Variants in GRM7 observed in about 807,000 individuals in gnomAD.
GRM7 encodes glutamate metabotropic receptor 7.
In GRM7, 35 loss-of-function variants were observed where a neutral mutation model predicts 84.5. The ratio of observed to expected loss-of-function variants is 0.41; its 90% CI spans 0.32 to 0.55. GRM7 has a LOEUF of 0.55. GRM7 is among the 20% of genes least tolerant of loss of function. GRM7 has a pLI of 0.19. For synonymous variants in GRM7, 487 were observed against 455.1 expected, an observed-to-expected ratio of 1.07 and a Z score of -0.89; for missense variants, 1,003 against 1,194.6, an observed-to-expected ratio of 0.84 and a Z score of 2.36.
chr3:7,553,303 A>C (rs1693581662), intron 7 of GRM7, among the ~76,000 whole-genome samples: 1 of 152,286 alleles, frequency 6.6e-6, no homozygotes, highest in South Asian at 2.1e-4. Context: ...GATTTGTCAA[A>C]GCTATTCAAC....
intron 2 of GRM7, among the ~76,000 whole-genome samples, chr3:7,262,352 T>G (rs959146963): frequency 2.6e-5 from 4 of 152,166 alleles, no homozygotes; most frequent in African/African-American, 9.7e-5. Flanking sequence ...AAAGCCAGTC[T>G]TCAAGCTTTG....
chr3:7,091,585 T>G (rs1698665013), intron 1 of GRM7, among the ~76,000 whole-genome samples: 1 of 151,722 alleles, frequency 6.6e-6, no homozygotes, highest in African/African-American at 2.4e-5. Context: ...AGTCCCATTA[T>G]CTCATTAAAT....
intron 1 of GRM7, among the ~76,000 whole-genome samples, chr3:7,095,703 A>G (rs1028042604): frequency 5.9e-5 from 9 of 152,164 alleles, no homozygotes; most frequent in African/African-American, 1.9e-4. Context: ...AAAGCATCAT[A>G]GAGAGTGGGA....
chr3:7,652,331 G>T (rs1242217933), intron 8 of GRM7, among the ~76,000 whole-genome samples: 1 of 152,186 alleles, frequency 6.6e-6, no homozygotes, highest in Non-Finnish European at 1.5e-5. Context: ...GACTGGTTAG[G>T]GGAGAAGGGA....
At chr3:6,880,166 A>G (rs1417181974) in intron 1 of GRM7, among the ~76,000 whole-genome samples, 1 of 152,180 alleles carries the variant, frequency 6.6e-6, no homozygotes, top group Admixed American at 6.6e-5. Flanking sequence ...TGGGTAATTA[A>G]TCAGATGGCT....
chr3:7,613,029 C>T (rs1696915092), intron 8 of GRM7, among the ~76,000 whole-genome samples: 1 of 150,626 alleles, frequency 6.6e-6, no homozygotes, highest in Non-Finnish European at 1.5e-5. Flanking sequence ...TATAGTGTTT[C>T]CAAGTCTTTT....
Position 7,188,148 on chromosome 3 carries a change from G to A in GRM7, c.736+41480G>A, listed in dbSNP as rs542177140. Among the ~76,000 whole-genome samples, 18 of 152,212 alleles carry A rather than the reference G, an allele frequency of 1.2e-4. No individual in the cohort carries two copies. The highest frequency in any genetic ancestry group is 9.2e-4 in the Admixed American group (14 of 15,284). Reference sequence around the variant, plus strand: ...CAGGAGGACAGAGAAGGGCTATGACGTGAGAAAGGGACCTGTCGGAAGTGA... The same window carrying A: ...CAGGAGGACAGAGAAGGGCTATGACATGAGAAAGGGACCTGTCGGAAGTGA... On this transcript the variant is annotated intron_variant, in intron 2 of 9. Transcript: ENST00000357716. The surrounding 1 kb of genome is among the most constrained non-coding windows in gnomAD (Gnocchi z 4.2).
At chr3:7,686,559 GAAATGAATTTTC>G (rs1369384825) in intron 9 of GRM7, 13 of 600,680 alleles carry the variant, frequency 2.2e-5, no homozygotes, top group Non-Finnish European at 3.4e-5. Context: ...TCTATAGGAA[GAAATGAATTTTC>G]AAAGATGATC....
At chr3:7,496,789 A>G (rs1699719445) in intron 7 of GRM7, among the ~76,000 whole-genome samples, 2 of 151,912 alleles carry the variant, frequency 1.3e-5, no homozygotes, top group Non-Finnish European at 1.5e-5. Context: ...ATAAAAATAT[A>G]TAGATATAGA....
chr3:7,228,982 T>A (rs1314335761), intron 2 of GRM7, among the ~76,000 whole-genome samples: 1 of 152,178 alleles, frequency 6.6e-6, no homozygotes, highest in Non-Finnish European at 1.5e-5. Context: ...TTACACAAAA[T>A]GAAAATATCA....
chr3:7,059,406 G>T (rs1697349650), intron 1 of GRM7, among the ~76,000 whole-genome samples: 1 of 151,378 alleles, frequency 6.6e-6, no homozygotes, highest in Admixed American at 6.6e-5. Context: ...AAACTAGAAA[G>T]GTCTTTATAA....
chr3:7,692,392 C>T (rs1408832131), intron 9 of GRM7, among the ~76,000 whole-genome samples: 1 of 152,128 alleles, frequency 6.6e-6, no homozygotes, highest in Admixed American at 6.6e-5. Context: ...CATGAAAACA[C>T]ATTTGGTTTC....
intron 2 of GRM7, among the ~76,000 whole-genome samples, chr3:7,159,385 G>T (rs1404983527): frequency 6.6e-6 from 1 of 152,148 alleles, no homozygotes; most frequent in East Asian, 1.9e-4. Flanking sequence ...TCATCAGATA[G>T]GGAACAAGGG....
At chr3:7,604,000 T>G (rs1049515941) in intron 8 of GRM7, among the ~76,000 whole-genome samples, 3 of 152,288 alleles carry the variant, frequency 2.0e-5, no homozygotes, top group African/African-American at 7.2e-5. Context: ...CTAAATATAC[T>G]GGGTAGAATT....
At chr3:7,649,312 T>C (rs960763876) in intron 8 of GRM7, among the ~76,000 whole-genome samples, 1 of 151,992 alleles carries the variant, frequency 6.6e-6, no homozygotes, top group African/African-American at 2.4e-5. Context: ...CTCGTGATCC[T>C]CCTGCCTCGG....
intron 1 of GRM7, among the ~76,000 whole-genome samples, chr3:7,055,059 T>A (rs1432034389): frequency 6.6e-6 from 1 of 151,992 alleles, no homozygotes; most frequent in African/African-American, 2.4e-5. Context: ...TGTATCAATC[T>A]TTTTTTGTGT....
chr3:7,354,289 A>G (rs534141328), intron 4 of GRM7, among the ~76,000 whole-genome samples: 1 of 152,134 alleles, frequency 6.6e-6, no homozygotes, highest in African/African-American at 2.4e-5. Flanking sequence ...AAAAGTTAGT[A>G]TGGCCCTCTA....
chr3:7,713,119 G>GTTTTTT lies in GRM7; in HGVS notation c.2699-27234_2699-27233insTTTTTT, dbSNP rs1553640882. Among the ~76,000 whole-genome samples the GTTTTTT allele has an allele frequency of 4.2e-3, 232 of 55,628 alleles. 4 individuals carry two copies. Among genetic ancestry groups the GTTTTTT allele is most frequent in the African/African-American group, 0.014 (222 of 15,964 alleles). 36.5% of individuals were successfully genotyped at this position (55,628 alleles called of 152,430 possible). On this transcript the variant is annotated intron_variant, in intron 9 of 9. Transcript: ENST00000357716. Reference sequence around the variant, plus strand: ...CACAGATAGAGAGGATTCGAATTTTGTTTTGTTTTTTTTTTTTTTTTTTTT... The same window carrying GTTTTTT: ...CACAGATAGAGAGGATTCGAATTTTGTTTTTTTTTTGTTTTTTTTTTTTTTTTTTTT...
intron 4 of GRM7, among the ~76,000 whole-genome samples, chr3:7,393,160 G>T (rs200432229): frequency 1.3e-5 from 2 of 152,126 alleles, no homozygotes; most frequent in African/African-American, 2.4e-5. Flanking sequence ...TCCCAGGAAC[G>T]CATGGCCATG....
Sources: allele counts gnomAD v4.1 joint callset (sites outside exome capture counted in the v4.1 genomes callset), GRCh38; gene constraint gnomAD v4.1.1; non-coding constraint Gnocchi (gnomAD v3.1); transcripts MANE v1.5; gene names NCBI Gene and HGNC (gene_info 2026-07-23, HGNC 2026-07-21).